Variants in IRS2 observed in about 807,000 individuals in gnomAD.
The protein encoded by IRS2 is insulin receptor substrate 2.
In IRS2, 28 loss-of-function variants were observed where a neutral mutation model predicts 70.9. The observed-to-expected ratio is 0.39, with a 90% CI of 0.29 to 0.54. IRS2 has a LOEUF of 0.54. Ranked by LOEUF, IRS2 falls within the 20% of genes least tolerant of loss-of-function variation. IRS2 has a pLI of 0.59. For missense variants in IRS2, 2,081 were observed against 2,024.1 expected, an observed-to-expected ratio of 1.03 and a Z score of -0.54; for synonymous variants, 1,217 against 981.9, an observed-to-expected ratio of 1.24 and a Z score of -4.48.
intron 1 of IRS2, among the ~76,000 whole-genome samples, chr13:109,775,993 C>CA (rs1278446765): frequency 2.0e-5 from 3 of 151,762 alleles, no homozygotes; most frequent in Non-Finnish European, 4.4e-5. Flanking sequence ...ACTAAAAATA[C>CA]AAAAAATTAG....
intron 1 of IRS2, among the ~76,000 whole-genome samples, chr13:109,772,554 G>T (rs951416213): frequency 6.6e-6 from 1 of 152,036 alleles, no homozygotes; most frequent in African/African-American, 2.4e-5. Context: ...CTGTTTGGTG[G>T]GTCACGGCGC....
At chr13:109,772,053 G>A (rs1423425503) in intron 1 of IRS2, among the ~76,000 whole-genome samples, 3 of 152,360 alleles carry the variant, frequency 2.0e-5, no homozygotes, top group South Asian at 2.1e-4. Flanking sequence ...GGTATGGGAA[G>A]TCCCGAACAA....
chr13:109,783,395 C>T lies in IRS2; in HGVS notation c.2659G>A (p.Ala887Thr). 1 of 1,482,290 alleles carries T rather than the reference C, an allele frequency of 6.7e-7. No homozygotes were observed. The highest frequency in any genetic ancestry group is 1.3e-5 in the South Asian group (1 of 76,544). The allele number at this position is 1,482,290 out of a possible 1,614,324, so 91.8% of individuals were successfully genotyped here. ...AGGGACAGGCGCGTGGGCCTCACCG[C>T]CCGGCCGCGCTGGCCCAAGAAGCCC... ...PEGFLGQRGR[A>T]VRPTRLSLEG... is the part of the protein sequence containing the mutation. The change falls in exon 1 of 2, where the codon GCG becomes ACG. Residue 887 changes from alanine (A) to threonine (T), a missense_variant. Coordinates refer to ENST00000375856, the MANE Select transcript of IRS2 (RefSeq NM_003749.3).
rs1163813600 is a variant in IRS2, at chr13:109,785,250, G to A, written c.804C>T (p.Gly268=). ...AGTCGTCCGCCTGCATCCACAGCTC[G>A]CCGGGGCCTGTGACGGCCGAGCGGC... ...EVGRSAVTGP[G]ELWMQADDSV... is the part of the protein sequence containing the mutation. The change falls in exon 1 of 2, where the codon GGC becomes GGT. Residue 268 remains glycine (G), a synonymous_variant. Coordinates refer to ENST00000375856, the MANE Select transcript of IRS2 (RefSeq NM_003749.3). The surrounding 1 kb of genome is among the most constrained non-coding windows in gnomAD (Gnocchi z 9.3). 1.9e-6 allele frequency: 3 copies of A among 1,607,088 alleles called. No homozygotes were observed. The South Asian group carries it at 3.3e-5, about 18-fold the overall frequency.
At chr13:109,763,704 C>T (rs1877275714) in intron 1 of IRS2, among the ~76,000 whole-genome samples, 1 of 152,194 alleles carries the variant, frequency 6.6e-6, no homozygotes, top group Admixed American at 6.5e-5. Context: ...TCAGACTTAA[C>T]ACATGTTTAT....
At position 109,782,880 on chromosome 13, in the gene IRS2, GGCGCCCGGGCCCTGGGCGGTGGCA is replaced by G. The variant is rs776073249; in HGVS notation, c.3150_3173del (p.Thr1052_Ala1059del). ...CGGTGTCCGAGGACAACGATGAGGC[GGCGCCCGGGCCCTGGGCGGTGGCA>G]ACGGCCGAGGCGGGGGGCAGGCGGT... is the stretch of plus-strand genomic sequence containing the variant. On this transcript the variant is annotated inframe_deletion, in exon 1 of 2. Transcript: ENST00000375856. 17 of 1,566,466 alleles carry G rather than the reference GGCGCCCGGGCCCTGGGCGGTGGCA, an allele frequency of 1.1e-5. No individual in the cohort carries two copies. In the East Asian group the frequency reaches 2.1e-4, roughly 19 times the overall value.
At chr13:109,774,416 C>T (rs182607057) in intron 1 of IRS2, among the ~76,000 whole-genome samples, 177 of 152,280 alleles carry the variant, frequency 1.2e-3, no homozygotes, top group African/African-American at 4.1e-3. Context: ...AGAGCGCTTT[C>T]CTACCAGTCT....
chr13:109,768,030 C>T (rs1877374838), intron 1 of IRS2, among the ~76,000 whole-genome samples: 1 of 152,024 alleles, frequency 6.6e-6, no homozygotes, highest in South Asian at 2.1e-4. Context: ...CGTGCCTGGC[C>T]CAGTGTGACC....
chr13:109,784,835 C>CGCTCAGGGTGTGCGAGCG lies in IRS2; in HGVS notation c.1201_1218dup (p.Arg401_Ser406dup). The CGCTCAGGGTGTGCGAGCG allele has an allele frequency of 8.0e-7, 1 of 1,249,580 alleles. No individual in the cohort carries two copies. Among genetic ancestry groups the CGCTCAGGGTGTGCGAGCG allele is most frequent in the South Asian group, 2.2e-5 (1 of 45,420 alleles). 77.4% of individuals were successfully genotyped at this position (1,249,580 alleles called of 1,614,324 possible). A position where few individuals can be genotyped will look rare whatever the true frequency, so the allele number is the denominator to read the frequency against. On this transcript the variant is annotated inframe_insertion, in exon 1 of 2. Coordinates refer to ENST00000375856, the MANE Select transcript of IRS2 (RefSeq NM_003749.3). This position sits in a 1 kb window ranked among gnomAD's most constrained non-coding sequence, Gnocchi z 5.2. Reference sequence around the variant, plus strand: ...TTGCTCCCGCGGCCGCCGCAGCCGCCGCTCAGGGTGTGCGAGCGGCTCAGG... The same window carrying CGCTCAGGGTGTGCGAGCG: ...TTGCTCCCGCGGCCGCCGCAGCCGCCGCTCAGGGTGTGCGAGCGGCTCAGGGTGTGCGAGCGGCTCAGG...
At position 109,784,738 on chromosome 13, in the gene IRS2, G is replaced by C; in HGVS notation, c.1316C>G (p.Pro439Arg). The C allele has an allele frequency of 2.4e-6, 3 of 1,231,638 alleles. No individual in the cohort carries two copies. The highest frequency in any genetic ancestry group is 3.2e-5 in the African/African-American group (2 of 63,462). The allele number at this position is 1,231,638 out of a possible 1,614,324, so 76.3% of individuals were successfully genotyped here. ...RSMSMPVAHS[P>R]PAATSPGSLS... ...GGAGCCGGGGCTGGTGGCGGCGGGC[G>C]GCGAGTGCGCCACGGGCATGGACAT... The change falls in exon 1 of 2, where the codon CCG (proline) becomes CGG (arginine). Residue 439 changes from proline (P) to arginine (R), a missense_variant. By Grantham distance (103) the Pro-to-Arg change is moderately radical (BLOSUM62 -2). This residue lies in a region of IRS2 where 1,615 missense variants were observed against 1,459.5 expected (regional missense o/e 1.11). Coordinates refer to ENST00000375856, the MANE Select transcript of IRS2 (RefSeq NM_003749.3). The surrounding 1 kb of genome is among the most constrained non-coding windows in gnomAD (Gnocchi z 5.2).
chr13:109,775,481 T>G (rs1213637913), intron 1 of IRS2, among the ~76,000 whole-genome samples: 2 of 152,076 alleles, frequency 1.3e-5, no homozygotes, highest in Non-Finnish European at 1.5e-5. Flanking sequence ...CACAGTATAA[T>G]AGGATTGTAA....
chr13:109,761,223 T>C (rs1193440394), intron 1 of IRS2, among the ~76,000 whole-genome samples: 1 of 152,232 alleles, frequency 6.6e-6, no homozygotes, highest in Admixed American at 6.5e-5. Context: ...CACAGGCCTT[T>C]GGTGAGCAAC....
chr13:109,784,066 G>C lies in IRS2; in HGVS notation c.1988C>G (p.Ala663Gly). The change falls in exon 1 of 2, where the codon GCG (alanine) becomes GGG (glycine). Residue 663 changes from alanine (A) to glycine (G), a missense_variant. Physicochemically the swap from Ala to Gly is moderately conservative, Grantham distance 60. Transcript: ENST00000375856. This position sits in a 1 kb window ranked among gnomAD's most constrained non-coding sequence, Gnocchi z 5.2. ...CCTGCAGCTGCCGCTCCCACTGCCC[G>C]CGAGGGCCGCGCCGGGCGTCATGGG... ...YMPMTPGAAL[A>G]GSGSGSCRSD... is the part of the protein sequence containing the mutation. 2 of 1,564,066 alleles carry C rather than the reference G, an allele frequency of 1.3e-6. No homozygotes were observed. The highest frequency in any genetic ancestry group is 2.3e-5 in the East Asian group (1 of 42,938).
Position 109,766,761 on chromosome 13 carries a change from C to T in IRS2, c.4013-10453G>A, listed in dbSNP as rs9559644. Reference sequence around the variant, plus strand: ...TGTAGATATCCCAGCCTCATCCACCCTGACTCCAACTCCCCACCAAGCATG... The same window carrying T: ...TGTAGATATCCCAGCCTCATCCACCTTGACTCCAACTCCCCACCAAGCATG... On this transcript the variant is annotated intron_variant, in intron 1 of 1. Transcript: ENST00000375856. Among the ~76,000 whole-genome samples, 4 of 52,118 alleles carry T rather than the reference C, an allele frequency of 7.7e-5. 1 individual carries two copies. Among genetic ancestry groups the T allele is most frequent in the African/African-American group, 1.0e-4 (2 of 20,068 alleles). 34.2% of individuals were successfully genotyped at this position (52,118 alleles called of 152,430 possible).
Position 109,785,128 on chromosome 13 carries a change from G to A in IRS2, c.926C>T (p.Ser309Leu). ...EFRPRSKSQSSGSSATHPISV... is the reference protein window; with the variant it reads ...EFRPRSKSQSLGSSATHPISV... Reference sequence around the variant, plus strand: ...GATGGGGTGCGTGGCCGACGACCCCGACGATTGGCTCTTACTGCGCGGCCG... The same window carrying A: ...GATGGGGTGCGTGGCCGACGACCCCAACGATTGGCTCTTACTGCGCGGCCG... Residue 309 changes from serine (S) to leucine (L), a missense_variant, in exon 1 of 2, where the codon TCG becomes TTG. Coordinates refer to ENST00000375856, the MANE Select transcript of IRS2 (RefSeq NM_003749.3). The surrounding 1 kb of genome is among the most constrained non-coding windows in gnomAD (Gnocchi z 9.3). 2 of 1,595,008 alleles carry A rather than the reference G, an allele frequency of 1.3e-6. No homozygotes were observed. The highest frequency in any genetic ancestry group is 8.5e-7 in the Non-Finnish European group (1 of 1,171,680).
intron 1 of IRS2, among the ~76,000 whole-genome samples, chr13:109,781,556 T>C (rs1877699694): frequency 6.6e-6 from 1 of 152,162 alleles, no homozygotes; most frequent in Non-Finnish European, 1.5e-5. Flanking sequence ...GACTTTCAGG[T>C]CTGAACCTTC....
intron 1 of IRS2, among the ~76,000 whole-genome samples, chr13:109,767,836 G>A (rs535483753): frequency 9.3e-5 from 14 of 150,114 alleles, no homozygotes; most frequent in East Asian, 4.0e-4. Context: ...GGGTTCCAGC[G>A]ATTCTCCTGC....
Position 109,783,828 on chromosome 13 carries a change from G to T in IRS2, c.2226C>A (p.Tyr742Ter). The T allele has an allele frequency of 6.3e-7, 1 of 1,586,506 alleles. No individual in the cohort carries two copies. The highest frequency in any genetic ancestry group is 8.6e-7 in the Non-Finnish European group (1 of 1,166,774). ...PAESSPEDSG[Y>*]MRMWCGSKLS... ...GCTTGGAACCGCACCACATGCGCAT[G>T]TACCCACTGTCCTCGGGGGAGCTCT... Residue 742 changes from tyrosine to a stop codon, truncating the protein, a stop_gained, in exon 1 of 2, where the codon TAC (tyrosine) becomes TAA (stop). Transcript: ENST00000375856. LOFTEE classifies it high-confidence loss of function.
rs1877083320 is a variant in IRS2 at position 109,755,417 on chromosome 13, A to C, written c.*887T>G. The C allele has an allele frequency of 4.4e-6, 1 of 224,772 alleles. No homozygotes were observed. The highest frequency in any genetic ancestry group is 8.9e-6 in the Non-Finnish European group (1 of 112,848). The allele number at this position is 224,772 out of a possible 1,614,324, so 13.9% of individuals were successfully genotyped here. A position where few individuals can be genotyped will look rare whatever the true frequency, so the allele number is the denominator to read the frequency against. On this transcript the variant is annotated 3_prime_UTR_variant, in exon 2 of 2. Transcript: ENST00000375856. Reference sequence around the variant, plus strand: ...GAGAGCAGAGACATCTGAGCTTGTAAATAGAATAAAAGGCGTTTGCAATGT... The same window carrying C: ...GAGAGCAGAGACATCTGAGCTTGTACATAGAATAAAAGGCGTTTGCAATGT...
Sources: gnomAD v4.1 joint callset for allele counts (sites outside exome capture counted in the v4.1 genomes callset) on GRCh38, gnomAD v4.1.1 for gene constraint, gnomAD v4.1.1 regional missense constraint, Gnocchi (gnomAD v3.1) non-coding constraint, MANE v1.5 for transcripts, NCBI Gene and HGNC (gene_info 2026-07-23, HGNC 2026-07-21) for gene names.